Variants in MAST4 observed in about 807,000 individuals in gnomAD.
MAST4 encodes the protein microtubule-associated serine/threonine-protein kinase 4.
In MAST4, 89 loss-of-function variants were observed where a neutral mutation model predicts 162.7. The observed-to-expected ratio is 0.55, with a 90% CI of 0.46 to 0.65. The LOEUF is 0.65. Among genes scored for constraint, MAST4 ranks in the 30% least tolerant of loss-of-function variants. The pLI is 0.00. For synonymous variants in MAST4, 1,479 were observed against 1,361.1 expected, an observed-to-expected ratio of 1.09 and a Z score of -1.91; for missense variants, 3,153 against 3,374.0, an observed-to-expected ratio of 0.93 and a Z score of 1.62.
rs186317905 is a variant in MAST4 at position 66,881,187 on chromosome 5, A to G, written c.643-18764A>G. On this transcript the variant is annotated intron_variant, in intron 3 of 28. Transcript: ENST00000403625. ...TTTTGAAGTTTTGTTTTTGTTTTCA[A>G]AGTCTTATATTTTTCATGATACTGC... Among the ~76,000 whole-genome samples, 256 of 152,272 alleles carry G rather than the reference A, an allele frequency of 1.7e-3. 1 individual carries two copies. Among genetic ancestry groups the G allele is most frequent in the African/African-American group, 5.9e-3 (245 of 41,566 alleles).
At chr5:66,735,374 C>T (rs1204665182) in intron 1 of MAST4, among the ~76,000 whole-genome samples, 3 of 151,990 alleles carry the variant, frequency 2.0e-5, no homozygotes, top group African/African-American at 4.8e-5. Flanking sequence ...AAAAGTGATA[C>T]CAGAAATAAT....
At chr5:66,837,890 ATATATTTTT>A (rs1234042242) in intron 3 of MAST4, among the ~76,000 whole-genome samples, 13 of 28,056 alleles carry the variant, frequency 4.6e-4, no homozygotes, top group South Asian at 1.3e-3. Flanking sequence ...ATATATATAT[ATATATTTTT>A]TTTTTTTTTT....
At chr5:66,611,076 A>G (rs532288478) in intron 1 of MAST4, among the ~76,000 whole-genome samples, 27 of 152,152 alleles carry the variant, frequency 1.8e-4, no homozygotes, top group African/African-American at 5.8e-4. Flanking sequence ...AGTTACAGCC[A>G]AGGGCCCTTT....
chr5:66,655,171 C>T (rs1191404966), intron 1 of MAST4, among the ~76,000 whole-genome samples: 1 of 152,086 alleles, frequency 6.6e-6, no homozygotes, highest in Non-Finnish European at 1.5e-5. Context: ...AGTCTTAGAA[C>T]TTTGGTGTTA....
At chr5:67,100,366 G>A (rs995012261) in intron 7 of MAST4, 69 bp from the exon 8 acceptor site, 19 of 1,509,240 alleles carry the variant, frequency 1.3e-5, no homozygotes, top group Non-Finnish European at 1.7e-5. Flanking sequence ...TTAACTCATC[G>A]ATCTCTCCTG....
At position 66,969,590 on chromosome 5, in the gene MAST4, G is replaced by C. The variant is rs924816643; in HGVS notation, c.674+69608G>C. 7.2e-5 allele frequency among the ~76,000 whole-genome samples: 11 copies of C among 152,280 alleles called. No homozygotes were observed. The South Asian group carries it at 2.3e-3, about 32-fold the overall frequency. On this transcript the variant is annotated intron_variant, in intron 4 of 28. Coordinates refer to ENST00000403625, the MANE Select transcript of MAST4 (RefSeq NM_001164664.2). ...TTCTCACCTAGTCCCATTTTGCCAA[G>C]AGCTGGCCTATTTGTCCTGTTGCTG...
chr5:66,762,705 T>C (rs557340509), intron 2 of MAST4, among the ~76,000 whole-genome samples: 52 of 152,372 alleles, frequency 3.4e-4, no homozygotes, highest in African/African-American at 1.2e-3. Context: ...GGTTTTTCCA[T>C]CAGAGGCCCA....
intron 4 of MAST4, among the ~76,000 whole-genome samples, chr5:67,035,528 T>C (rs1028450363): frequency 6.6e-5 from 10 of 152,130 alleles, no homozygotes; most frequent in Non-Finnish European, 1.0e-4. Context: ...TATGATGTGG[T>C]CAAGTGACAC....
At chr5:66,719,297 A>AG (rs1561284441) in intron 1 of MAST4, among the ~76,000 whole-genome samples, 1 of 152,196 alleles carries the variant, frequency 6.6e-6, no homozygotes, top group Non-Finnish European at 1.5e-5. Flanking sequence ...AGGAAATATA[A>AG]ACTAGTTTTT....
At chr5:66,892,758 T>A (rs1762440111) in intron 3 of MAST4, among the ~76,000 whole-genome samples, 2 of 152,086 alleles carry the variant, frequency 1.3e-5, no homozygotes, top group South Asian at 2.1e-4. Flanking sequence ...CGTGGTGGAG[T>A]ATAGGGGAAA....
Position 66,791,617 on chromosome 5 carries a change from A to G in MAST4, c.642+2823A>G, listed in dbSNP as rs1355424723. ...CTGAAATACCATGTAGAAAAAACTT[A>G]TAATAGTACCTGGCATATAACAAGT... is the stretch of plus-strand genomic sequence containing the variant. On this transcript the variant is annotated intron_variant, in intron 3 of 28. Coordinates refer to ENST00000403625, the MANE Select transcript of MAST4 (RefSeq NM_001164664.2). Among the ~76,000 whole-genome samples the G allele has an allele frequency of 3.3e-5, 5 of 152,238 alleles. 1 individual carries two copies. In the South Asian group the frequency reaches 6.2e-4, roughly 19 times the overall value.
chr5:66,872,735 A>T (rs1362845604), intron 3 of MAST4, among the ~76,000 whole-genome samples: 1 of 152,230 alleles, frequency 6.6e-6, no homozygotes, highest in African/African-American at 2.4e-5. Context: ...TGTAGAGCAC[A>T]ACTCAGAGTA....
chr5:67,069,881 A>AGTGTGTGT (rs200867949), intron 5 of MAST4, among the ~76,000 whole-genome samples: 15,452 of 142,588 alleles, frequency 0.11, 932 homozygotes, highest in Middle Eastern at 0.17. Context: ...TTTGAGAGAA[A>AGTGTGTGT]GTGTGTGTGT....
intron 4 of MAST4, among the ~76,000 whole-genome samples, chr5:66,989,420 T>C (rs1749843039): frequency 6.6e-6 from 1 of 152,164 alleles, no homozygotes; most frequent in African/African-American, 2.4e-5. Context: ...CATTGATGAG[T>C]TGAAGTTTTC....
intron 1 of MAST4, among the ~76,000 whole-genome samples, chr5:66,630,038 A>G (rs1227387984): frequency 6.6e-6 from 1 of 152,170 alleles, no homozygotes. Flanking sequence ...AAAAGACCAT[A>G]CTAGGGAGTG....
intron 1 of MAST4, among the ~76,000 whole-genome samples, 185 bp from the exon 2 acceptor site, chr5:66,759,522 ACT>A (rs1321017892): frequency 6.6e-6 from 1 of 152,112 alleles, no homozygotes; most frequent in African/African-American, 2.4e-5. Flanking sequence ...AGCAAGCCAG[ACT>A]CTCTTTCGGA....
At chr5:66,864,015 A>G (rs1323328221) in intron 3 of MAST4, among the ~76,000 whole-genome samples, 1 of 152,186 alleles carries the variant, frequency 6.6e-6, no homozygotes, top group African/African-American at 2.4e-5. Flanking sequence ...TGAGCTGATG[A>G]TGGGTAACTA....
intron 5 of MAST4, among the ~76,000 whole-genome samples, chr5:67,078,774 A>G (rs1581469058): frequency 8.0e-6 from 1 of 125,360 alleles, no homozygotes; most frequent in Non-Finnish European, 1.6e-5. Context: ...AAATATATAT[A>G]TTTATTTATA....
At chr5:66,877,091 G>A (rs1332854050) in intron 3 of MAST4, among the ~76,000 whole-genome samples, 1 of 152,186 alleles carries the variant, frequency 6.6e-6, no homozygotes, top group Non-Finnish European at 1.5e-5. Flanking sequence ...GCCTAGGACT[G>A]GAAAGTAGCC....
Sources: gnomAD v4.1 joint callset for allele counts (sites outside exome capture counted in the v4.1 genomes callset) on GRCh38, gnomAD v4.1.1 for gene constraint, MANE v1.5 for transcripts, NCBI Gene and HGNC (gene_info 2026-07-23, HGNC 2026-07-21) for gene names.